RBFOX1: variants seen among roughly 807,000 people sequenced by gnomAD.
RBFOX1 encodes the protein RNA binding protein fox-1 homolog 1.
In RBFOX1, 8 loss-of-function variants were observed where a neutral mutation model predicts 57.7. That is an observed-to-expected ratio of 0.14 (90% CI 0.08 to 0.25). The LOEUF (loss-of-function observed/expected upper bound fraction) is 0.25, where lower values mean the gene tolerates loss of function less well. RBFOX1 is among the 10% of genes least tolerant of loss of function. The pLI is 1.00. For missense variants in RBFOX1, 611 were observed against 548.5 expected (o/e 1.11, Z -1.14); for synonymous variants, 326 against 222.4 (o/e 1.47, Z -4.15).
chr16:7,547,413 C>T (rs1281485561), intron 5 of RBFOX1, among the ~76,000 whole-genome samples: 8 of 152,224 alleles, frequency 5.3e-5, no homozygotes. Flanking sequence ...ACCTTGCCTT[C>T]TGTTATATGC....
intron 3 of RBFOX1, among the ~76,000 whole-genome samples, chr16:6,747,443 T>TCTGTCTGTC (rs1215085649): frequency 9.4e-5 from 12 of 127,980 alleles, no homozygotes; most frequent in East Asian, 7.3e-4. Context: ...AGTCAGTCAG[T>TCTGTCTGTC]TAGTCTGTCT....
At chr16:6,442,025 T>C (rs2094393636) in intron 2 of RBFOX1, among the ~76,000 whole-genome samples, 1 of 152,324 alleles carries the variant, frequency 6.6e-6, no homozygotes, top group South Asian at 2.1e-4. Flanking sequence ...GAGGAATTCA[T>C]AGGCTTTGTT....
intron 2 of RBFOX1, among the ~76,000 whole-genome samples, chr16:6,328,731 A>G (rs2082661775): frequency 6.8e-6 from 1 of 146,666 alleles, no homozygotes; most frequent in African/African-American, 2.4e-5. Context: ...AAGATTAAAT[A>G]AAAATTCCTT....
chr16:7,251,853 T>A (rs1400457126), intron 4 of RBFOX1, among the ~76,000 whole-genome samples: 1 of 152,202 alleles, frequency 6.6e-6, no homozygotes, highest in Non-Finnish European at 1.5e-5. Flanking sequence ...ATATACACAG[T>A]AGTGGGATTG....
intron 3 of RBFOX1, among the ~76,000 whole-genome samples, chr16:6,756,906 T>A (rs2075877282): frequency 1.3e-5 from 2 of 151,990 alleles, no homozygotes; most frequent in Admixed American, 6.6e-5. Context: ...ACCGAGGGGA[T>A]GGAGGTTGCA....
At chr16:6,384,534 A>T (rs2092104339) in intron 2 of RBFOX1, among the ~76,000 whole-genome samples, 1 of 152,176 alleles carries the variant, frequency 6.6e-6, no homozygotes, top group African/African-American at 2.4e-5. Context: ...GTGTGCATTG[A>T]AGAAATGGAG....
intron 4 of RBFOX1, among the ~76,000 whole-genome samples, chr16:7,472,568 G>A (rs1270692493): frequency 1.3e-5 from 2 of 152,172 alleles, no homozygotes; most frequent in East Asian, 1.9e-4. Flanking sequence ...ATACAACATA[G>A]CGTTTACTGT....
At chr16:7,341,076 T>C (rs879431519) in intron 4 of RBFOX1, among the ~76,000 whole-genome samples, 2 of 152,084 alleles carry the variant, frequency 1.3e-5, no homozygotes, top group Non-Finnish European at 2.9e-5. Flanking sequence ...TTTGGGTAAG[T>C]GCTTTTCCTG....
At chr16:7,626,817 G>A (rs2142354994) in intron 10 of RBFOX1, among the ~76,000 whole-genome samples, 1 of 152,260 alleles carries the variant, frequency 6.6e-6, no homozygotes, top group Non-Finnish European at 1.5e-5. Flanking sequence ...GTGGAGACTT[G>A]TTTTTAAAAA....
In RBFOX1 at chr16:7,689,036, C is replaced by T. The variant is rs546845639; in HGVS notation, c.995+12198C>T. On this transcript the variant is annotated intron_variant, in intron 14 of 15. Coordinates refer to ENST00000550418, the MANE Select transcript of RBFOX1 (RefSeq NM_018723.4). ...TCACCTCTACCACTTAACAGCTGCT[C>T]GCATTATGTAACTTTTCCATGCCTC... Among the ~76,000 whole-genome samples the T allele has an allele frequency of 4.6e-5, 7 of 152,128 alleles. No homozygotes were observed. The South Asian group carries it at 1.0e-3, about 23-fold the overall frequency.
rs1467453141 is a variant in RBFOX1, at chr16:7,009,310, TTC to T, written c.-15-42743_-15-42742del. On this transcript the variant is annotated intron_variant, in intron 3 of 15. Transcript: ENST00000550418. ...CTCTCACTCTCTGTCTCTTCCTTCT[TTC>T]TCTTTCTTTGTACATGTATAATTTG... Among the ~76,000 whole-genome samples, 11 of 149,688 alleles carry T rather than the reference TTC, an allele frequency of 7.3e-5. No individual in the cohort carries two copies. In the East Asian group the frequency reaches 2.2e-3, roughly 30 times the overall value.
chr16:6,020,087 A>T, intron 1 of RBFOX1, 95 bp downstream of exon 1: 2 of 1,294,670 alleles, frequency 1.5e-6, no homozygotes, highest in Non-Finnish European at 2.0e-6. Context: ...GTCCCCGAGA[A>T]CTGGCCTCCT....
intron 3 of RBFOX1, among the ~76,000 whole-genome samples, chr16:6,805,303 T>C (rs9933814): frequency 0.56 from 84,644 of 151,972 alleles, 23,986 homozygotes; most frequent in African/African-American, 0.61. Context: ...AAAACAAATA[T>C]TGCATGTTCT....
chr16:7,250,091 C>A (rs1001144584), intron 4 of RBFOX1, among the ~76,000 whole-genome samples: 2 of 152,116 alleles, frequency 1.3e-5, no homozygotes, highest in African/African-American at 4.8e-5. Flanking sequence ...GGGTTTTGAA[C>A]CAGTTGTGTT....
intron 4 of RBFOX1, among the ~76,000 whole-genome samples, chr16:7,111,630 T>C (rs2064795108): frequency 6.6e-6 from 1 of 152,176 alleles, no homozygotes; most frequent in Non-Finnish European, 1.5e-5. Context: ...TAGGAGTAAA[T>C]TACTAAGTAT....
intron 3 of RBFOX1, among the ~76,000 whole-genome samples, chr16:7,021,820 T>A (rs2039214732): frequency 2.0e-5 from 3 of 151,270 alleles, no homozygotes; most frequent in African/African-American, 7.3e-5. Flanking sequence ...TAGATTTATT[T>A]CTAATTCTTG....
chr16:7,046,551 T>TAAAG (rs59117732), intron 3 of RBFOX1, among the ~76,000 whole-genome samples: 18,556 of 150,538 alleles, frequency 0.12, 2,010 homozygotes, highest in East Asian at 0.28. Flanking sequence ...TGGGAGATAA[T>TAAAG]AAAGTTTATC....
chr16:6,976,893 T>C (rs2087055352), intron 3 of RBFOX1, among the ~76,000 whole-genome samples: 1 of 147,216 alleles, frequency 6.8e-6, no homozygotes, highest in Non-Finnish European at 1.5e-5. Flanking sequence ...ATCACATATA[T>C]GGTGTATATC....
At chr16:5,982,845 C>G (rs1407007136) in intron 4 of RBFOX1, among the ~76,000 whole-genome samples, 1 of 152,206 alleles carries the variant, frequency 6.6e-6, no homozygotes, top group Non-Finnish European at 1.5e-5. Flanking sequence ...GCTGTGTTCA[C>G]TATTATATCT....
Sources: allele counts gnomAD v4.1 joint callset (sites outside exome capture counted in the v4.1 genomes callset), GRCh38; gene constraint gnomAD v4.1.1; transcripts MANE v1.5; gene names NCBI Gene and HGNC (gene_info 2026-07-23, HGNC 2026-07-21).